The following BMP3 variants were observed in gnomAD, a reference collection of about 807,000 sequenced individuals.
The protein encoded by BMP3 is bone morphogenetic protein 3, also known as bone morphogenetic protein 3 (osteogenic).
A neutral mutation model predicts 38.1 loss-of-function variants in BMP3; 23 were observed. The ratio of observed to expected loss-of-function variants is 0.60; its 90% CI spans 0.43 to 0.86. The LOEUF is 0.86. BMP3 is among the 40% of genes least tolerant of loss of function. The probability of loss-of-function intolerance (pLI) is 0.00; values close to 1 mark genes in which losing one functional copy is unlikely to be tolerated. For synonymous variants in BMP3, 258 were observed against 225.7 expected (o/e 1.14, Z -1.28); for missense variants, 628 against 579.6 (o/e 1.08, Z -0.86).
In BMP3 at chr4:81,046,353, AG is replaced by A; in HGVS notation, c.934del (p.Asp312MetfsTer45). 3.1e-6 allele frequency: 5 copies of A among 1,614,100 alleles called. No homozygotes were observed. Among genetic ancestry groups the A allele is most frequent in the Non-Finnish European group, 4.2e-6 (5 of 1,180,034 alleles). On this transcript the variant is annotated frameshift_variant, in exon 2 of 3. Coordinates refer to ENST00000282701, the MANE Select transcript of BMP3 (RefSeq NM_001201.5). LOFTEE classifies it high-confidence loss of function. ...ELPGAEYQYK[K>X]DEVWEERKPY... Reference sequence around the variant, plus strand: ...CCTGGGGCAGAATACCAGTATAAAAAGGATGAGGTGTGGGAGGAGAGAAAGC... The same window carrying A: ...CCTGGGGCAGAATACCAGTATAAAAAGATGAGGTGTGGGAGGAGAGAAAGC...
intron 2 of BMP3, among the ~76,000 whole-genome samples, chr4:81,048,016 A>G (rs74999718): frequency 0.012 from 1,784 of 151,574 alleles, 39 homozygotes; most frequent in African/African-American, 0.041. Flanking sequence ...CAGGGCCACA[A>G]ACTTGATTGA....
Position 81,045,807 on chromosome 4 carries a change from C to T in BMP3, c.386C>T (p.Ser129Phe). 1 of 1,613,872 alleles carries T rather than the reference C, an allele frequency of 6.2e-7. No individual in the cohort carries two copies. Residue 129 changes from serine (S) to phenylalanine (F), a missense_variant, in exon 2 of 3, where the codon TCT becomes TTT. By Grantham distance (155) the Ser-to-Phe change is radical (BLOSUM62 -2). Coordinates refer to ENST00000282701, the MANE Select transcript of BMP3 (RefSeq NM_001201.5). ...CTAACCAAGTCTGAAAACATTTTGT[C>T]TGCCACACTGTATTTCTGTATTGGA... Reference protein sequence around the residue: ...TSLTKSENILSATLYFCIGEL... With the variant: ...TSLTKSENILFATLYFCIGEL...
rs1356074114 is a variant in BMP3, at chr4:81,056,230, T to A, written c.*2694T>A. 6.6e-6 allele frequency: 1 copy of A among 152,218 alleles called. No homozygotes were observed. The highest frequency in any genetic ancestry group is 1.9e-4 in the East Asian group (1 of 5,182). 9.4% of individuals were successfully genotyped at this position (152,218 alleles called of 1,614,324 possible). ...AGCTACAATTATAAACTCCATTTGC[T>A]AAATCATGCATAATACTCTCTCTCT... On this transcript the variant is annotated 3_prime_UTR_variant, in exon 3 of 3. Coordinates refer to ENST00000282701, the MANE Select transcript of BMP3 (RefSeq NM_001201.5).
In BMP3 at chr4:81,037,313, G is replaced by T. The variant is rs866524864; in HGVS notation, c.316+5713G>T. On this transcript the variant is annotated intron_variant, in intron 1 of 2. Transcript: ENST00000282701. ...AAATTAATTTAAAGATGAATTAAGG[G>T]TAATTGCTGTACTTGGTGTTAAGTG... 2.8e-5 allele frequency: 5 copies of T among 177,730 alleles called. No individual in the cohort carries two copies. The Middle Eastern group carries it at 2.1e-3, about 76-fold the overall frequency. The allele number at this position is 177,730 out of a possible 1,614,324, so 11.0% of individuals were successfully genotyped here.
rs145355880 is a variant in BMP3, at chr4:81,037,579, T to C, written c.316+5979T>C. Among the ~76,000 whole-genome samples, 23 of 152,284 alleles carry C rather than the reference T, an allele frequency of 1.5e-4. 1 individual carries two copies. The East Asian group carries it at 4.4e-3, about 29-fold the overall frequency. On this transcript the variant is annotated intron_variant, in intron 1 of 2. Transcript: ENST00000282701. ...GAATGCAAAGATGCTTTAAAAGTTT[T>C]GAAGTCCTATATAAATTAGGTATTC...
rs574867875 is a variant in BMP3, at chr4:81,050,383, A to T, written c.1228-2962A>T. Among the ~76,000 whole-genome samples the T allele has an allele frequency of 3.9e-5, 6 of 152,316 alleles. No individual in the cohort carries two copies. The East Asian group carries it at 1.2e-3, about 29-fold the overall frequency. ...TTGGAATTCTGCCATGAGATGAAAA[A>T]TACCCATACAGTTAATGCCAAGTTC... On this transcript the variant is annotated intron_variant, in intron 2 of 2. Transcript: ENST00000282701.
intron 2 of BMP3, among the ~76,000 whole-genome samples, chr4:81,050,638 C>T (rs1382417316): frequency 1.3e-5 from 2 of 151,690 alleles, no homozygotes; most frequent in African/African-American, 2.4e-5. Flanking sequence ...ACATTTAATG[C>T]GTTCAAAATG....
chr4:81,050,425 C>T (rs1435226383), intron 2 of BMP3, among the ~76,000 whole-genome samples: 2 of 152,092 alleles, frequency 1.3e-5, no homozygotes, highest in East Asian at 3.9e-4. Context: ...TTTGCCTCTC[C>T]TCATCACCTT....
chr4:81,044,453 T>C (rs1428338559), intron 1 of BMP3, among the ~76,000 whole-genome samples: 1 of 152,276 alleles, frequency 6.6e-6, no homozygotes, highest in Admixed American at 6.5e-5. Context: ...CATAATTGTT[T>C]TGCTTTGTTT....
chr4:81,045,633 T>C (rs1740208721), intron 1 of BMP3, 105 bp from the exon 2 acceptor site: 1 of 993,924 alleles, frequency 1.0e-6, no homozygotes, highest in Non-Finnish European at 1.4e-6. Context: ...ATTTCATGGA[T>C]TTAGTTCTTA....
rs1475259551 is a variant in BMP3, at chr4:81,030,875, T to C, written c.-410T>C. On this transcript the variant is annotated 5_prime_UTR_variant, in exon 1 of 3. Coordinates refer to ENST00000282701, the MANE Select transcript of BMP3 (RefSeq NM_001201.5). ...GCTGCGCACAGCCCCGGCTCCGACC[T>C]GGCGCCCAAAACAGAGCTAGTCCTA... 2 of 182,050 alleles carry C rather than the reference T, an allele frequency of 1.1e-5. No homozygotes were observed. Among genetic ancestry groups the C allele is most frequent in the South Asian group, 1.3e-4 (1 of 7,484 alleles). 11.3% of individuals were successfully genotyped at this position (182,050 alleles called of 1,614,324 possible).
chr4:81,053,398 G>T lies in BMP3; in HGVS notation c.1281G>T (p.Gly427=), dbSNP rs774143467. The part of the protein sequence containing the change: ...ATIQSIVRAV[G]VVPGIPEPCC... The stretch of plus-strand genomic sequence containing the variant: ...TCCAGAGTATAGTGAGAGCTGTGGG[G>T]GTCGTTCCTGGGATTCCTGAGCCTT... The change falls in exon 3 of 3, where the codon GGG becomes GGT. Residue 427 remains glycine (G), a synonymous_variant. Coordinates refer to ENST00000282701, the MANE Select transcript of BMP3 (RefSeq NM_001201.5). 3.1e-6 allele frequency: 5 copies of T among 1,610,378 alleles called. No individual in the cohort carries two copies. The highest frequency in any genetic ancestry group is 4.2e-6 in the Non-Finnish European group (5 of 1,178,504).
chr4:81,053,593 T>C lies in BMP3; in HGVS notation c.*57T>C. Reference sequence around the variant, plus strand: ...CAATCATTAGTTTATTTTTATGGACTTCTTCCTGTTTTTTTTTTTTTTTTT... The same window carrying C: ...CAATCATTAGTTTATTTTTATGGACCTCTTCCTGTTTTTTTTTTTTTTTTT... On this transcript the variant is annotated 3_prime_UTR_variant, in exon 3 of 3. Transcript: ENST00000282701. The C allele has an allele frequency of 9.5e-7, 1 of 1,057,328 alleles. No homozygotes were observed. Among genetic ancestry groups the C allele is most frequent in the Admixed American group, 3.6e-5 (1 of 27,818 alleles). 65.5% of individuals were successfully genotyped at this position (1,057,328 alleles called of 1,614,324 possible).
rs1739746195 is a variant in BMP3, at chr4:81,031,205, G to C, written c.-80G>C. 1.2e-5 allele frequency: 17 copies of C among 1,428,500 alleles called. No homozygotes were observed. In the East Asian group the frequency reaches 2.0e-4, roughly 17 times the overall value. The allele number at this position is 1,428,500 out of a possible 1,614,324, so 88.5% of individuals were successfully genotyped here. A position where few individuals can be genotyped will look rare whatever the true frequency, so the allele number is the denominator to read the frequency against. On this transcript the variant is annotated 5_prime_UTR_variant, in exon 1 of 3. Coordinates refer to ENST00000282701, the MANE Select transcript of BMP3 (RefSeq NM_001201.5). ...CCAGCTGGTTTGGAGTTCAACCCTC[G>C]GCTCCGCCGCCGGCTCCTTGCGCCT...
rs1019822622 is a variant in BMP3, at chr4:81,055,597, CT to C, written c.*2066del. 1 of 152,034 alleles carries C rather than the reference CT, an allele frequency of 6.6e-6. No individual in the cohort carries two copies. Among genetic ancestry groups the C allele is most frequent in the Admixed American group, 6.6e-5 (1 of 15,246 alleles). The allele number at this position is 152,034 out of a possible 1,614,324, so 9.4% of individuals were successfully genotyped here. On this transcript the variant is annotated 3_prime_UTR_variant, in exon 3 of 3. Transcript: ENST00000282701. ...TCGTACTGTTTTTCAATAAAGAAAA[CT>C]TTTTCATTGGTAGATTTGGTGAAAT...
Position 81,046,229 on chromosome 4 carries a change from G to A in BMP3, c.808G>A (p.Val270Ile). ...QGHRNFPTGT[V>I]PKWDSHIRAA... ...ACACCGGAATTTTCCCACTGGAACT[G>A]TTCCCAAATGGGATAGCCACATCAG... The change falls in exon 2 of 3, where the codon GTT becomes ATT. Residue 270 changes from valine (V) to isoleucine (I), a missense_variant. By Grantham distance (29) the Val-to-Ile change is conservative. Transcript: ENST00000282701. 1 of 1,614,104 alleles carries A rather than the reference G, an allele frequency of 6.2e-7. No individual in the cohort carries two copies. Among genetic ancestry groups the A allele is most frequent in the South Asian group, 1.1e-5 (1 of 91,084 alleles).
chr4:81,046,601 T>C lies in BMP3; in HGVS notation c.1180T>C (p.Phe394Leu), dbSNP rs756591583. The C allele has an allele frequency of 5.3e-5, 85 of 1,613,920 alleles. No homozygotes were observed. Among genetic ancestry groups the C allele is most frequent in the South Asian group, 1.1e-5 (1 of 91,068 alleles). The change falls in exon 2 of 3, where the codon TTT (phenylalanine) becomes CTT (leucine). Residue 394 changes from phenylalanine to leucine, a missense_variant. Physicochemically the swap from Phe to Leu is conservative, Grantham distance 22. Transcript: ENST00000282701. Reference sequence around the variant, plus strand: ...TGAATGGATTATCTCCCCCAAGTCCTTTGATGCCTATTATTGCTCTGGAGC... The same window carrying C: ...TGAATGGATTATCTCCCCCAAGTCCCTTGATGCCTATTATTGCTCTGGAGC... ...WSEWIISPKS[F>L]DAYYCSGACQ...
Position 81,056,402 on chromosome 4 carries a change from T to C in BMP3, c.*2866T>C, listed in dbSNP as rs1200063242. 2.6e-5 allele frequency: 4 copies of C among 152,198 alleles called. No individual in the cohort carries two copies. In the East Asian group the frequency reaches 7.7e-4, roughly 29 times the overall value. 9.4% of individuals were successfully genotyped at this position (152,198 alleles called of 1,614,324 possible). ...CCCAGGCTGGAGTGCAGTGGCGTGA[T>C]CTCGGCCCACTGCAACCTCCACCTC... is the stretch of plus-strand genomic sequence containing the variant. On this transcript the variant is annotated 3_prime_UTR_variant, in exon 3 of 3. Coordinates refer to ENST00000282701, the MANE Select transcript of BMP3 (RefSeq NM_001201.5).
At chr4:81,037,803 G>A (rs112195305) in intron 1 of BMP3, among the ~76,000 whole-genome samples, 202 of 152,158 alleles carry the variant, frequency 1.3e-3, no homozygotes, top group African/African-American at 4.6e-3. Context: ...TGGTGGCTGA[G>A]GGGTGTAGGG....
Sources: allele counts gnomAD v4.1 joint callset (sites outside exome capture counted in the v4.1 genomes callset), GRCh38; gene constraint gnomAD v4.1.1; transcripts MANE v1.5; gene names NCBI Gene and HGNC (gene_info 2026-07-23, HGNC 2026-07-21).